The following LRFN5 variants were observed in gnomAD, a reference collection of about 807,000 sequenced individuals.
The protein encoded by LRFN5 is leucine-rich repeat and fibronectin type-III domain-containing protein 5.
A neutral mutation model predicts 45.6 loss-of-function variants in LRFN5; 24 were observed. The ratio of observed to expected loss-of-function variants is 0.53; its 90% confidence interval spans 0.38 to 0.74. The LOEUF is 0.74. LRFN5 is among the 30% of genes least tolerant of loss of function. The probability of loss-of-function intolerance (pLI) is 0.00; values close to 1 mark genes in which losing one functional copy is unlikely to be tolerated. For synonymous variants in LRFN5, 340 were observed against 313.8 expected (o/e 1.08, Z -0.88); for missense variants, 776 against 861.5 (o/e 0.90, Z 1.24).
At chr14:41,802,367 C>T (rs1331679938) in intron 2 of LRFN5, among the ~76,000 whole-genome samples, 1 of 152,026 alleles carries the variant, frequency 6.6e-6, no homozygotes, top group Non-Finnish European at 1.5e-5. Context: ...ACTGATTTGA[C>T]AGGATTCTTG....
chr14:41,775,251 C>T (rs550862055), intron 2 of LRFN5, among the ~76,000 whole-genome samples: 40 of 151,876 alleles, frequency 2.6e-4, no homozygotes, highest in South Asian at 1.0e-3. Context: ...CCACCAGGCC[C>T]GGCTAATTTT....
chr14:41,771,058 G>A (rs1158740970), intron 2 of LRFN5, among the ~76,000 whole-genome samples: 1 of 151,894 alleles, frequency 6.6e-6, no homozygotes, highest in Non-Finnish European at 1.5e-5. Flanking sequence ...CTGGAGCTGT[G>A]GTTTGAGCTG....
At position 41,885,522 on chromosome 14, in the gene LRFN5, T is replaced by G. The variant is rs192943325; in HGVS notation, c.-20-1084T>G. ...GATAAATATACATTCGTTAAGATTG[T>G]AAAAGAAGGAAAACAGAATATAATA... On this transcript the variant is annotated intron_variant, in intron 2 of 5. Transcript: ENST00000298119. 1.8e-3 allele frequency among the ~76,000 whole-genome samples: 280 copies of G among 152,228 alleles called. 2 individuals are homozygous for G. Among genetic ancestry groups the G allele is most frequent in the Non-Finnish European group, 2.4e-3 (162 of 68,008 alleles).
At chr14:41,781,665 G>GA (rs1555317594) in intron 2 of LRFN5, among the ~76,000 whole-genome samples, 5 of 141,256 alleles carry the variant, frequency 3.5e-5, no homozygotes, top group African/African-American at 7.9e-5. Context: ...AAGAAAGAAA[G>GA]GAAAGAAAGA....
chr14:41,848,839 A>G (rs1889161772), intron 2 of LRFN5, among the ~76,000 whole-genome samples: 1 of 151,986 alleles, frequency 6.6e-6, no homozygotes, highest in Admixed American at 6.6e-5. Flanking sequence ...TGTATTGTGA[A>G]ATTAGTCCTG....
At chr14:41,629,571 ATTGT>A (rs1230502081) in intron 1 of LRFN5, among the ~76,000 whole-genome samples, 1 of 152,190 alleles carries the variant, frequency 6.6e-6, no homozygotes, top group Non-Finnish European at 1.5e-5. Flanking sequence ...GGATAACTAA[ATTGT>A]TTGTAGTTCT....
chr14:41,730,422 C>G (rs1480966428), intron 1 of LRFN5, among the ~76,000 whole-genome samples: 1 of 151,808 alleles, frequency 6.6e-6, no homozygotes, highest in Non-Finnish European at 1.5e-5. Flanking sequence ...ATGCACTTTG[C>G]TAGATTTAGA....
chr14:41,691,641 A>G (rs1882383175), intron 1 of LRFN5, among the ~76,000 whole-genome samples: 1 of 152,106 alleles, frequency 6.6e-6, no homozygotes. Flanking sequence ...AAATACATAG[A>G]TCTTAAATGA....
chr14:41,675,848 C>A (rs540195401), intron 1 of LRFN5, among the ~76,000 whole-genome samples: 3 of 152,128 alleles, frequency 2.0e-5, no homozygotes, highest in Non-Finnish European at 4.4e-5. Context: ...AAATGATAAT[C>A]ACCTAAAGCC....
chr14:41,885,740 G>C (rs541532520), intron 2 of LRFN5, among the ~76,000 whole-genome samples: 1 of 151,996 alleles, frequency 6.6e-6, no homozygotes, highest in Non-Finnish European at 1.5e-5. Flanking sequence ...AGATTGGCCG[G>C]GCACAGTGGC....
chr14:41,795,138 A>C (rs528668153), intron 2 of LRFN5, among the ~76,000 whole-genome samples: 2 of 152,210 alleles, frequency 1.3e-5, no homozygotes, highest in South Asian at 4.1e-4. Flanking sequence ...ACATTTTTCA[A>C]AAGAAGACAT....
intron 2 of LRFN5, among the ~76,000 whole-genome samples, chr14:41,814,644 C>A (rs547727733): frequency 3.4e-4 from 52 of 152,280 alleles, no homozygotes; most frequent in African/African-American, 1.2e-3. Context: ...CTTCTTGGGC[C>A]TGTCTTGACA....
At chr14:41,804,038 A>G (rs1229032859) in intron 2 of LRFN5, among the ~76,000 whole-genome samples, 1 of 151,890 alleles carries the variant, frequency 6.6e-6, no homozygotes, top group Non-Finnish European at 1.5e-5. Flanking sequence ...TAATTTTTGT[A>G]TTTTTGGTAG....
rs186563448 is a variant in LRFN5 at position 41,772,232 on chromosome 14, T to C, written c.-21+5203T>C. Among the ~76,000 whole-genome samples, 1,473 of 152,226 alleles carry C rather than the reference T, an allele frequency of 9.7e-3. 10 individuals are homozygous for C. Among genetic ancestry groups the C allele is most frequent in the Non-Finnish European group, 0.014 (942 of 68,010 alleles). ...ATTCGTGAGAAATCCACCCTCATGATCCAAACACCTCCCACTAGGCTTCAC... is the reference window on the plus strand; with the variant it reads ...ATTCGTGAGAAATCCACCCTCATGACCCAAACACCTCCCACTAGGCTTCAC... On this transcript the variant is annotated intron_variant, in intron 2 of 5. Coordinates refer to ENST00000298119, the MANE Select transcript of LRFN5 (RefSeq NM_152447.5).
intron 2 of LRFN5, among the ~76,000 whole-genome samples, chr14:41,882,735 T>C (rs11622385): frequency 0.032 from 4,847 of 152,198 alleles, 90 homozygotes; most frequent in South Asian, 0.069. Flanking sequence ...TCTTAGAAGT[T>C]TGGTAAAATA....
intron 2 of LRFN5, among the ~76,000 whole-genome samples, chr14:41,841,821 AG>A (rs1888870417): frequency 6.6e-6 from 1 of 151,904 alleles, no homozygotes; most frequent in Admixed American, 6.6e-5. Context: ...TTTGTGGGTT[AG>A]TTTTTATGCA....
intron 2 of LRFN5, among the ~76,000 whole-genome samples, chr14:41,802,120 G>T (rs1340014119): frequency 6.6e-6 from 1 of 152,196 alleles, no homozygotes; most frequent in Non-Finnish European, 1.5e-5. Context: ...GCAACAGTCA[G>T]CCTTAATATT....
At chr14:41,748,945 A>AATG (rs1423609070) in intron 1 of LRFN5, among the ~76,000 whole-genome samples, 1 of 151,732 alleles carries the variant, frequency 6.6e-6, no homozygotes, top group East Asian at 1.9e-4. Flanking sequence ...TTCTGGAGGC[A>AATG]GTGGATTCTA....
intron 1 of LRFN5, among the ~76,000 whole-genome samples, chr14:41,740,135 G>C (rs148968436): frequency 6.6e-6 from 1 of 151,932 alleles, no homozygotes; most frequent in South Asian, 2.1e-4. Flanking sequence ...ACTAATATCA[G>C]TCCTTCTCAA....
Sources: allele counts gnomAD v4.1 joint callset (sites outside exome capture counted in the v4.1 genomes callset), GRCh38; gene constraint gnomAD v4.1.1; transcripts MANE v1.5; gene names NCBI Gene and HGNC (gene_info 2026-07-23, HGNC 2026-07-21).